Variants in CAMTA1 observed in about 807,000 individuals in gnomAD.
The protein encoded by CAMTA1 is calmodulin binding transcription activator 1, also known as calmodulin-binding transcription activator 1.
A neutral mutation model predicts 170.9 loss-of-function variants in CAMTA1; 27 were observed. The observed-to-expected ratio is 0.16, with a 90% CI of 0.12 to 0.22. The LOEUF (loss-of-function observed/expected upper bound fraction) is 0.22, where lower values mean the gene tolerates loss of function less well. Ranked by LOEUF, CAMTA1 falls within the 10% of genes least tolerant of loss-of-function variation. The probability of loss-of-function intolerance (pLI) is 1.00; values close to 1 mark genes in which losing one functional copy is unlikely to be tolerated. For synonymous variants in CAMTA1, 833 were observed against 891.5 expected, an observed-to-expected ratio of 0.93 and a Z score of 1.17; for missense variants, 1,619 against 2,217.2, an observed-to-expected ratio of 0.73 and a Z score of 5.42.
In CAMTA1 at chr1:6,808,901, AGGTGACTCCTAG is replaced by A. The variant is rs1343593029; in HGVS notation, c.46-11278_46-11267del. On this transcript the variant is annotated intron_variant, in intron 1 of 22. Coordinates refer to ENST00000303635, the MANE Select transcript of CAMTA1 (RefSeq NM_015215.4). ...CTGACTGAATGTGGGCCTTGAGGGA[AGGTGACTCCTAG>A]GTTTTGAACCATAACTGGGGATTTA... 3.3e-5 allele frequency among the ~76,000 whole-genome samples: 5 copies of A among 152,272 alleles called. No individual in the cohort carries two copies. The East Asian group carries it at 9.7e-4, about 29-fold the overall frequency.
At chr1:6,896,354 C>T (rs766362843) in intron 3 of CAMTA1, among the ~76,000 whole-genome samples, 2 of 152,170 alleles carry the variant, frequency 1.3e-5, no homozygotes, top group South Asian at 4.1e-4. Context: ...CTTCCTGGGG[C>T]AGTGGGATGG....
intron 6 of CAMTA1, among the ~76,000 whole-genome samples, chr1:7,623,947 T>A (rs945350345): frequency 6.6e-6 from 1 of 152,264 alleles, no homozygotes; most frequent in Non-Finnish European, 1.5e-5. Context: ...AAGTGTTTTT[T>A]CCAAGGGGAC....
Position 7,113,740 on chromosome 1 carries a change from G to A in CAMTA1, c.302+22369G>A, listed in dbSNP as rs556289196. 1.3e-5 allele frequency among the ~76,000 whole-genome samples: 2 copies of A among 152,308 alleles called. No individual in the cohort carries two copies. The highest frequency in any genetic ancestry group is 4.1e-4 in the South Asian group (2 of 4,822). On this transcript the variant is annotated intron_variant, in intron 4 of 22. Coordinates refer to ENST00000303635, the MANE Select transcript of CAMTA1 (RefSeq NM_015215.4). The surrounding 1 kb of genome is among the most constrained non-coding windows in gnomAD (Gnocchi z 4.5). ...CCTTTAATGATATTCTCTCACTTTA[G>A]CAATATATTTTGTGCTTCAAAAATG... is the stretch of plus-strand genomic sequence containing the variant.
intron 3 of CAMTA1, among the ~76,000 whole-genome samples, chr1:7,068,732 A>C (rs984382835): frequency 1.3e-5 from 2 of 152,142 alleles, no homozygotes; most frequent in Admixed American, 6.5e-5. Flanking sequence ...GGCCTCTCTC[A>C]GTGGCAGGGG....
intron 6 of CAMTA1, among the ~76,000 whole-genome samples, chr1:7,595,351 C>A (rs2095391456): frequency 6.6e-6 from 1 of 152,170 alleles, no homozygotes; most frequent in Non-Finnish European, 1.5e-5. Flanking sequence ...AGGCAGAGAG[C>A]CCTTTAATGG....
intron 5 of CAMTA1, among the ~76,000 whole-genome samples, chr1:7,433,810 G>C (rs2149372253): frequency 6.6e-6 from 1 of 152,282 alleles, no homozygotes; most frequent in East Asian, 1.9e-4. Context: ...TGTGATGGAA[G>C]ATTCCGTTTC....
At chr1:6,919,976 C>T (rs1291388403) in intron 3 of CAMTA1, among the ~76,000 whole-genome samples, 1 of 152,038 alleles carries the variant, frequency 6.6e-6, no homozygotes, top group Non-Finnish European at 1.5e-5. Context: ...CCATATCATT[C>T]CTCCCCTGGT....
At chr1:7,558,070 G>A (rs766401482) in intron 6 of CAMTA1, among the ~76,000 whole-genome samples, 2 of 152,018 alleles carry the variant, frequency 1.3e-5, no homozygotes, top group African/African-American at 2.4e-5. Flanking sequence ...CCTCCTCCTC[G>A]CCTGGCTCTC....
chr1:7,057,115 C>T (rs148521934), intron 3 of CAMTA1, among the ~76,000 whole-genome samples: 2 of 152,306 alleles, frequency 1.3e-5, no homozygotes, highest in East Asian at 1.9e-4. Flanking sequence ...GCCCTCTGCT[C>T]TTCTCCACCA....
At chr1:7,709,927 G>A (rs544899809) in intron 11 of CAMTA1, among the ~76,000 whole-genome samples, 13 of 152,162 alleles carry the variant, frequency 8.5e-5, no homozygotes, top group Non-Finnish European at 1.8e-4. Flanking sequence ...GTGTGTGCTG[G>A]CTTCTATTTC....
intron 5 of CAMTA1, among the ~76,000 whole-genome samples, chr1:7,428,700 C>T (rs993286659): frequency 1.3e-5 from 2 of 152,202 alleles, no homozygotes; most frequent in Non-Finnish European, 2.9e-5. Context: ...TCCCCTCTCC[C>T]TCATCCATCA....
At chr1:7,533,231 G>A (rs542743396) in intron 6 of CAMTA1, among the ~76,000 whole-genome samples, 2 of 152,182 alleles carry the variant, frequency 1.3e-5, no homozygotes, top group East Asian at 3.9e-4. Context: ...CCAGGGGCAG[G>A]CCCTTCCCTG....
At chr1:6,899,554 G>GCGCACGCA (rs1306510241) in intron 3 of CAMTA1, among the ~76,000 whole-genome samples, 4 of 141,086 alleles carry the variant, frequency 2.8e-5, no homozygotes, top group Non-Finnish European at 3.1e-5. Flanking sequence ...ACGCGCGCGC[G>GCGCACGCA]CACACACACA....
At chr1:7,709,624 C>G (rs1250790967) in intron 11 of CAMTA1, among the ~76,000 whole-genome samples, 1 of 152,180 alleles carries the variant, frequency 6.6e-6, no homozygotes, top group Non-Finnish European at 1.5e-5. Context: ...GAATCATTTT[C>G]CCAGACTGAG....
At chr1:6,838,070 A>G (rs1654008233) in intron 3 of CAMTA1, among the ~76,000 whole-genome samples, 1 of 152,188 alleles carries the variant, frequency 6.6e-6, no homozygotes, top group Non-Finnish European at 1.5e-5. Flanking sequence ...CTAAGTATAT[A>G]CAATAGTCCC....
intron 4 of CAMTA1, among the ~76,000 whole-genome samples, chr1:7,214,883 TG>T (rs1219228585): frequency 6.6e-6 from 1 of 151,584 alleles, no homozygotes; most frequent in African/African-American, 2.4e-5. Flanking sequence ...TGCCTGTGGA[TG>T]TCTGATCACT....
intron 5 of CAMTA1, among the ~76,000 whole-genome samples, chr1:7,342,662 C>T (rs2083921384): frequency 6.6e-6 from 1 of 152,128 alleles, no homozygotes; most frequent in South Asian, 2.1e-4. Context: ...TAATTTGACC[C>T]TAATATTGGA....
At chr1:7,071,601 T>C (rs1638658007) in intron 3 of CAMTA1, among the ~76,000 whole-genome samples, 1 of 152,200 alleles carries the variant, frequency 6.6e-6, no homozygotes. Context: ...ACCAACAGAT[T>C]AGAAAGACTA....
intron 5 of CAMTA1, among the ~76,000 whole-genome samples, chr1:7,427,977 G>A (rs933101789): frequency 6.6e-6 from 1 of 152,158 alleles, no homozygotes; most frequent in East Asian, 1.9e-4. Flanking sequence ...AGCAGACCTG[G>A]CAAGGGAGGC....
Sources: gnomAD v4.1 joint callset for allele counts (sites outside exome capture counted in the v4.1 genomes callset) on GRCh38, gnomAD v4.1.1 for gene constraint, Gnocchi (gnomAD v3.1) non-coding constraint, MANE v1.5 for transcripts, NCBI Gene and HGNC (gene_info 2026-07-23, HGNC 2026-07-21) for gene names.